Variants in TRHDE observed in about 807,000 individuals in gnomAD.
The protein encoded by TRHDE is thyrotropin-releasing hormone-degrading ectoenzyme.
TRHDE carries 72 observed loss-of-function variants against 125.7 expected under a neutral mutation model. The observed-to-expected ratio is 0.57, with a 90% confidence interval of 0.47 to 0.70. TRHDE has a LOEUF of 0.70. Among genes scored for constraint, TRHDE ranks in the 30% least tolerant of loss-of-function variants. The probability of loss-of-function intolerance (pLI) is 0.00; values close to 1 mark genes in which losing one functional copy is unlikely to be tolerated. For missense variants in TRHDE, 1,110 were observed against 1,327.1 expected (o/e 0.84, Z 2.54); for synonymous variants, 509 against 509.1 (o/e 1.00, Z 0.00).
intron 3 of TRHDE, among the ~76,000 whole-genome samples, chr12:72,407,167 A>T (rs547793801): frequency 1.6e-4 from 24 of 152,234 alleles, no homozygotes; most frequent in Admixed American, 3.3e-4. Flanking sequence ...TTCCTCTGAA[A>T]GCTAGATGGG....
intron 2 of TRHDE, among the ~76,000 whole-genome samples, chr12:72,162,359 C>G (rs1206331388): frequency 6.6e-6 from 1 of 152,158 alleles, no homozygotes; most frequent in African/African-American, 2.4e-5. Flanking sequence ...TAAGTGGTGA[C>G]CTCCTAATGT....
chr12:72,274,239 G>C (rs952719861), intron 1 of TRHDE, among the ~76,000 whole-genome samples: 7 of 152,268 alleles, frequency 4.6e-5, no homozygotes, highest in African/African-American at 1.7e-4. Context: ...TCTGTGCTAA[G>C]GCAGGGCGAC....
chr12:72,411,244 A>G (rs527242704), intron 3 of TRHDE, among the ~76,000 whole-genome samples: 2 of 151,792 alleles, frequency 1.3e-5, no homozygotes, highest in South Asian at 4.1e-4. Context: ...GCAACTGATA[A>G]CATTTGGCAT....
chr12:72,182,002 G>C (rs1276541113), intron 2 of TRHDE, among the ~76,000 whole-genome samples: 1 of 152,146 alleles, frequency 6.6e-6, no homozygotes, highest in Non-Finnish European at 1.5e-5. Context: ...TGTGGAGTTT[G>C]GGTAGAAATG....
chr12:72,585,150 G>A (rs142460909), intron 12 of TRHDE, among the ~76,000 whole-genome samples: 15 of 152,172 alleles, frequency 9.9e-5, no homozygotes, highest in East Asian at 5.8e-4. Context: ...GCCTCTACAA[G>A]TCATTTTATG....
chr12:72,419,063 G>A (rs34627865), intron 3 of TRHDE, among the ~76,000 whole-genome samples: 8,744 of 152,210 alleles, frequency 0.057, 328 homozygotes, highest in Middle Eastern at 0.12. Flanking sequence ...AAAGGGAAAG[G>A]GGTAGGAAGT....
intron 3 of TRHDE, among the ~76,000 whole-genome samples, chr12:72,398,235 G>A (rs1009464975): frequency 1.2e-4 from 18 of 151,820 alleles, no homozygotes; most frequent in South Asian, 2.1e-4. Context: ...GTCTATCATT[G>A]TTGGACATTT....
intron 2 of TRHDE, among the ~76,000 whole-genome samples, chr12:72,317,930 G>T (rs1374392009): frequency 6.6e-6 from 1 of 152,132 alleles, no homozygotes; most frequent in African/African-American, 2.4e-5. Flanking sequence ...GAAGAACGAG[G>T]CACAGGTAAG....
intron 2 of TRHDE, among the ~76,000 whole-genome samples, chr12:72,266,102 A>C (rs892829158): frequency 6.6e-6 from 1 of 152,082 alleles, no homozygotes; most frequent in Admixed American, 6.6e-5. Context: ...CGAAGTTTTT[A>C]AGTGATAAAC....
At chr12:72,544,932 CAT>C (rs949476562) in intron 7 of TRHDE, among the ~76,000 whole-genome samples, 1 of 151,282 alleles carries the variant, frequency 6.6e-6, no homozygotes, top group Non-Finnish European at 1.5e-5. Context: ...TCAATTTAAA[CAT>C]ATATTTTTCA....
chr12:72,127,912 A>G (rs1018637578), intron 2 of TRHDE, among the ~76,000 whole-genome samples: 1 of 152,100 alleles, frequency 6.6e-6, no homozygotes, highest in African/African-American at 2.4e-5. Context: ...GACATTGTAT[A>G]GTGGGTCCTG....
intron 5 of TRHDE, among the ~76,000 whole-genome samples, chr12:72,473,760 A>C (rs1354280632): frequency 6.6e-6 from 1 of 152,026 alleles, no homozygotes. Flanking sequence ...GAAAAAGTAG[A>C]GGGAGGGTGT....
At chr12:72,647,585 G>A (rs1481489530) in intron 15 of TRHDE, among the ~76,000 whole-genome samples, 1 of 151,778 alleles carries the variant, frequency 6.6e-6, no homozygotes, top group South Asian at 2.1e-4. Flanking sequence ...CAGAAATGAA[G>A]GAGTAGATAT....
chr12:72,141,118 A>G (rs59610962), intron 2 of TRHDE, among the ~76,000 whole-genome samples: 11,357 of 152,206 alleles, frequency 0.075, 734 homozygotes, highest in African/African-American at 0.17. Flanking sequence ...TGAAGATATA[A>G]GGCACCTTGT....
At chr12:72,147,247 T>C (rs1461203792) in intron 2 of TRHDE, among the ~76,000 whole-genome samples, 1 of 152,186 alleles carries the variant, frequency 6.6e-6, no homozygotes, top group East Asian at 1.9e-4. Flanking sequence ...TGCCCTCTTC[T>C]ACCCAGTATT....
chr12:72,355,141 C>A (rs193122132), intron 2 of TRHDE, among the ~76,000 whole-genome samples: 116 of 151,416 alleles, frequency 7.7e-4, no homozygotes, highest in African/African-American at 2.8e-3. Context: ...AGGGAAGGTG[C>A]AAAATTGCTA....
chr12:72,192,563 GTTTC>G (rs1877361869), intron 2 of TRHDE, among the ~76,000 whole-genome samples: 3 of 152,040 alleles, frequency 2.0e-5, no homozygotes, highest in Non-Finnish European at 4.4e-5. Context: ...ACTCTGAGGT[GTTTC>G]TTTCTACATT....
chr12:72,630,910 A>T lies in TRHDE; in HGVS notation c.2675+9159A>T, dbSNP rs530109636. 1.9e-3 allele frequency among the ~76,000 whole-genome samples: 287 copies of T among 149,434 alleles called. 2 individuals carry two copies. Among genetic ancestry groups the T allele is most frequent in the African/African-American group, 6.0e-3 (248 of 41,164 alleles). ...GCAAAAAAAAAAAAAACCTACCCAT[A>T]CTTATTTTTCAGGATCTCTTTACTT... On this transcript the variant is annotated intron_variant, in intron 15 of 18. Coordinates refer to ENST00000261180, the MANE Select transcript of TRHDE (RefSeq NM_013381.3).
chr12:72,163,676 A>T (rs571571278), intron 2 of TRHDE, among the ~76,000 whole-genome samples: 1 of 152,186 alleles, frequency 6.6e-6, no homozygotes, highest in Non-Finnish European at 1.5e-5. Flanking sequence ...ATAACTGATG[A>T]ATCCTAGACT....
Sources: gnomAD v4.1 joint callset for allele counts (sites outside exome capture counted in the v4.1 genomes callset) on GRCh38, gnomAD v4.1.1 for gene constraint, MANE v1.5 for transcripts, NCBI Gene and HGNC (gene_info 2026-07-23, HGNC 2026-07-21) for gene names.